FGGY: variants seen among roughly 807,000 people sequenced by gnomAD.
The protein encoded by FGGY is FGGY carbohydrate kinase domain containing.
A neutral mutation model predicts 71.3 loss-of-function variants in FGGY; 72 were observed. The observed-to-expected ratio is 1.01, with a 90% CI of 0.84 to 1.23. The LOEUF (loss-of-function observed/expected upper bound fraction) is 1.23. FGGY is among the 50% of genes most tolerant of loss of function. FGGY has a pLI of 0.00. For missense variants in FGGY, 668 were observed against 682.3 expected (o/e 0.98, Z 0.23); for synonymous variants, 251 against 250.3 (o/e 1.00, Z -0.02).
At chr1:59,718,505 T>A (rs1368727012) in intron 14 of FGGY, among the ~76,000 whole-genome samples, 1 of 152,316 alleles carries the variant, frequency 6.6e-6, no homozygotes, top group South Asian at 2.1e-4. Flanking sequence ...GGTGGCTCTC[T>A]ACAAATGTTT....
chr1:59,378,419 T>G (rs922795263), intron 4 of FGGY, among the ~76,000 whole-genome samples: 2 of 152,114 alleles, frequency 1.3e-5, no homozygotes, highest in Non-Finnish European at 2.9e-5. Context: ...GTGAGTCCAT[T>G]AAACCTATTT....
intron 12 of FGGY, among the ~76,000 whole-genome samples, chr1:59,662,339 A>G (rs1470024740): frequency 2.0e-5 from 3 of 149,392 alleles, no homozygotes; most frequent in Non-Finnish European, 4.5e-5. Flanking sequence ...AAAAAAAGAG[A>G]GAGATTTTAT....
intron 13 of FGGY, among the ~76,000 whole-genome samples, chr1:59,670,600 C>T (rs544641815): frequency 1.5e-4 from 23 of 152,134 alleles, no homozygotes; most frequent in African/African-American, 5.3e-4. Context: ...GGAATAAATG[C>T]TTGCGAGTTT....
At chr1:59,350,816 A>G (rs1347444629) in intron 4 of FGGY, among the ~76,000 whole-genome samples, 1 of 152,186 alleles carries the variant, frequency 6.6e-6, no homozygotes, top group Non-Finnish European at 1.5e-5. Context: ...AAACTGAAAC[A>G]TGGACTAGAA....
chr1:59,698,257 A>C (rs547972237), intron 14 of FGGY, among the ~76,000 whole-genome samples: 1 of 152,288 alleles, frequency 6.6e-6, no homozygotes, highest in East Asian at 1.9e-4. Context: ...TGCATGTCAT[A>C]TGTATCATTT....
In FGGY at chr1:59,671,534, A is replaced by T. The variant is rs144950540; in HGVS notation, c.1418-2505A>T. On this transcript the variant is annotated intron_variant, in intron 13 of 15. Transcript: ENST00000303721. ...AGTCTCCCAGGCTCAGAGTAGGTGG[A>T]GGGAGGAAGGGAAGAGGTGGGATTG... Among the ~76,000 whole-genome samples, 174 of 152,268 alleles carry T rather than the reference A, an allele frequency of 1.1e-3. 3 individuals are homozygous for T. The highest frequency in any genetic ancestry group is 4.0e-3 in the African/African-American group (166 of 41,556).
intron 11 of FGGY, among the ~76,000 whole-genome samples, chr1:59,639,521 T>C (rs899095674): frequency 2.6e-5 from 4 of 152,202 alleles, no homozygotes; most frequent in Non-Finnish European, 5.9e-5. Context: ...GAGGGCCATG[T>C]GGCAACAGAC....
chr1:59,595,026 C>G lies in FGGY; in HGVS notation c.904-12777C>G, dbSNP rs143603103. On this transcript the variant is annotated intron_variant, in intron 8 of 15. Transcript: ENST00000303721. ...GGAAGGGCTGGTTCCACTGATGCCC[C>G]TGCATTCATTGAGTTTCCTGCTTCC... Among the ~76,000 whole-genome samples, 89 of 152,276 alleles carry G rather than the reference C, an allele frequency of 5.8e-4. 1 individual carries two copies. The highest frequency in any genetic ancestry group is 4.1e-3 in the East Asian group (21 of 5,174).
intron 5 of FGGY, among the ~76,000 whole-genome samples, chr1:59,444,786 G>A (rs565235059): frequency 3.5e-4 from 53 of 152,196 alleles, no homozygotes; most frequent in African/African-American, 1.1e-3. Flanking sequence ...GTTTCATCCC[G>A]GAACCTTCCT....
chr1:59,369,718 C>T (rs9729814), intron 4 of FGGY, among the ~76,000 whole-genome samples: 48,852 of 151,682 alleles, frequency 0.32, 8,187 homozygotes, highest in East Asian at 0.41. Context: ...AGACAAAACT[C>T]CCAGAAGAAT....
At chr1:59,647,082 T>TA (rs1269022336) in intron 11 of FGGY, among the ~76,000 whole-genome samples, 17 of 152,180 alleles carry the variant, frequency 1.1e-4, no homozygotes, top group African/African-American at 3.4e-4. Flanking sequence ...TGTGGCATGA[T>TA]AAAAGACTGA....
At chr1:59,674,174 T>A (rs750290095) in intron 14 of FGGY, 41 bp downstream of exon 14, 2 of 1,460,482 alleles carry the variant, frequency 1.4e-6, no homozygotes, top group Non-Finnish European at 1.9e-6. Flanking sequence ...TCCTCCCCTG[T>A]CTGAGGCCAT....
intron 8 of FGGY, among the ~76,000 whole-genome samples, chr1:59,585,579 C>G (rs1243613313): frequency 1.3e-5 from 2 of 152,226 alleles, no homozygotes; most frequent in East Asian, 3.9e-4. Context: ...AGAAGAAAAC[C>G]TAGGCATCAC....
chr1:59,365,489 C>T (rs958418674), intron 4 of FGGY, among the ~76,000 whole-genome samples: 2 of 152,336 alleles, frequency 1.3e-5, no homozygotes, highest in East Asian at 3.9e-4. Context: ...CAAGGCATGG[C>T]TTGATCCAGG....
At chr1:59,326,998 A>C (rs2047557665) in intron 2 of FGGY, among the ~76,000 whole-genome samples, 1 of 152,272 alleles carries the variant, frequency 6.6e-6, no homozygotes, top group Non-Finnish European at 1.5e-5. Context: ...GTTAATGATC[A>C]TCGAAGCCTG....
intron 8 of FGGY, among the ~76,000 whole-genome samples, chr1:59,606,942 T>C (rs55748051): frequency 0.1 from 15,229 of 152,274 alleles, 868 homozygotes; most frequent in South Asian, 0.29. Context: ...GTAAGAACTC[T>C]GATTCATCTT....
At chr1:59,391,164 T>C (rs957965891) in intron 5 of FGGY, among the ~76,000 whole-genome samples, 2 of 152,148 alleles carry the variant, frequency 1.3e-5, no homozygotes, top group Admixed American at 1.3e-4. Flanking sequence ...CCTCCCTGGC[T>C]TGGGATTTGA....
chr1:59,439,454 C>T (rs930310774), intron 5 of FGGY, among the ~76,000 whole-genome samples: 1 of 152,086 alleles, frequency 6.6e-6, no homozygotes, highest in African/African-American at 2.4e-5. Flanking sequence ...CTAATAAAAA[C>T]ACCAGAAATC....
chr1:59,400,294 C>G (rs1244836591), intron 5 of FGGY, among the ~76,000 whole-genome samples: 1 of 152,208 alleles, frequency 6.6e-6, no homozygotes, highest in African/African-American at 2.4e-5. Flanking sequence ...CACCCATTCA[C>G]TCAACCTCCT....
Sources: allele counts gnomAD v4.1 joint callset (sites outside exome capture counted in the v4.1 genomes callset), GRCh38; gene constraint gnomAD v4.1.1; transcripts MANE v1.5; gene names NCBI Gene and HGNC (gene_info 2026-07-23, HGNC 2026-07-21).